The following ZNF83 variants were observed in gnomAD, a reference collection of about 807,000 sequenced individuals.
ZNF83 encodes the protein zinc finger protein 816B.
For missense variants in ZNF83, 552 were observed against 629.9 expected (o/e 0.88, Z 1.32); for synonymous variants, 209 against 213.0 (o/e 0.98, Z 0.17).
At chr19:52,682,898 T>C (rs2061896913) in intron 1 of ZNF83, among the ~76,000 whole-genome samples, 1 of 151,570 alleles carries the variant, frequency 6.6e-6, no homozygotes, top group South Asian at 2.1e-4. Flanking sequence ...CTAGATGGAG[T>C]CTCTCTCTGT....
At chr19:52,616,428 T>C (rs2060306420) in intron 2 of ZNF83, among the ~76,000 whole-genome samples, 1 of 152,214 alleles carries the variant, frequency 6.6e-6, no homozygotes, top group South Asian at 2.1e-4. Flanking sequence ...TGCACATGTA[T>C]GTTTCTTGCA....
In ZNF83 at chr19:52,633,747, C is replaced by A. The variant is rs1245531620; in HGVS notation, c.-234+1319G>T. The stretch of plus-strand genomic sequence containing the variant: ...CCAACATGGAGAAACCTCATTTCTT[C>A]TAAAAATACAAAATTAGCCGGGCAT... On this transcript the variant is annotated intron_variant, in intron 2 of 2. Coordinates refer to ENST00000301096, the Ensembl canonical transcript of ZNF83. 4.0e-5 allele frequency among the ~76,000 whole-genome samples: 6 copies of A among 151,876 alleles called. No individual in the cohort carries two copies. The East Asian group carries it at 1.2e-3, about 30-fold the overall frequency.
chr19:52,635,319 G>A lies in ZNF83; in HGVS notation c.-321-166C>T, dbSNP rs1387311494. ...TACAGGAAAACTCCCGCACCCTTCT[G>A]GAGAAGCCCACACCACACCCTTCTG... On this transcript the variant is annotated intron_variant, in intron 1 of 2. Transcript: ENST00000301096. 44 of 395,222 alleles carry A rather than the reference G, an allele frequency of 1.1e-4. No homozygotes were observed. The East Asian group carries it at 1.7e-3, about 16-fold the overall frequency. 24.5% of individuals were successfully genotyped at this position (395,222 alleles called of 1,614,324 possible).
rs554336672 is a variant in ZNF83, at chr19:52,631,912, A to G, written c.-234+3154T>C. Among the ~76,000 whole-genome samples, 45 of 144,026 alleles carry G rather than the reference A, an allele frequency of 3.1e-4. No homozygotes were observed. The South Asian group carries it at 8.7e-3, about 28-fold the overall frequency. The allele number at this position is 144,026 out of a possible 152,430, so 94.5% of individuals were successfully genotyped here. On this transcript the variant is annotated intron_variant, in intron 2 of 2. Transcript: ENST00000301096. ...TTCTCAGTGTTCCATCTGCTATTCT[A>G]CTACTCCTCAGGGATTATTCAGGCC...
exon 3 of ZNF83, chr19:52,612,814 G>C (rs190358999): frequency 1.8e-4 from 86 of 470,792 alleles, no homozygotes; most frequent in Non-Finnish European, 2.9e-4. Flanking sequence ...GAAGAATCCT[G>C]GTCTCAGATT....
intron 1 of ZNF83, among the ~76,000 whole-genome samples, chr19:52,686,765 G>A (rs979670824): frequency 4.6e-5 from 7 of 152,000 alleles, no homozygotes; most frequent in South Asian, 2.1e-4. Flanking sequence ...TAGAGACGGC[G>A]TTTCACCATG....
chr19:52,618,191 A>G (rs2147076919), intron 2 of ZNF83, among the ~76,000 whole-genome samples: 1 of 152,162 alleles, frequency 6.6e-6, no homozygotes, highest in South Asian at 2.1e-4. Context: ...TCCCAGGTTC[A>G]GGTGATAATC....
Position 52,644,274 on chromosome 19 carries a change from A to G in ZNF83, c.-73-9121T>C, listed in dbSNP as rs375903723. Among the ~76,000 whole-genome samples the G allele has an allele frequency of 4.6e-5, 7 of 151,762 alleles. No homozygotes were observed. In the East Asian group the frequency reaches 9.7e-4, roughly 21 times the overall value. On this transcript the variant is annotated intron_variant, in intron 3 of 5. Coordinates refer to the ZNF83 transcript ENST00000594682. The stretch of plus-strand genomic sequence containing the variant: ...CTCACAGAAAAAAAGCCACATCCAG[A>G]CACCCACTCTATTTTGCCAATCATT...
chr19:52,680,065 GCTA>G (rs995208470), intron 1 of ZNF83, among the ~76,000 whole-genome samples: 1 of 152,124 alleles, frequency 6.6e-6, no homozygotes, highest in African/African-American at 2.4e-5. Flanking sequence ...GGTAATCCCA[GCTA>G]CTTGAGAGGC....
At chr19:52,682,215 T>TAA (rs11407801) in intron 1 of ZNF83, among the ~76,000 whole-genome samples, 4 of 148,898 alleles carry the variant, frequency 2.7e-5, no homozygotes, top group African/African-American at 9.8e-5. Flanking sequence ...ATTAAAATTA[T>TAA]AAAAAAAAAA....
chr19:52,629,480 A>T (rs2060869399), intron 2 of ZNF83, among the ~76,000 whole-genome samples: 1 of 151,954 alleles, frequency 6.6e-6, no homozygotes, highest in African/African-American at 2.4e-5. Flanking sequence ...GCTAGGTCCC[A>T]ATTCTTCCTC....
At chr19:52,655,506 A>C in intron 3 of ZNF83, 1 of 1,402,152 alleles carries the variant, frequency 7.1e-7, no homozygotes, top group Non-Finnish European at 9.9e-7. Flanking sequence ...AAAACCAGGA[A>C]GAGCCAAGAT....
chr19:52,628,707 C>A (rs1392716923), intron 2 of ZNF83, among the ~76,000 whole-genome samples: 1 of 151,968 alleles, frequency 6.6e-6, no homozygotes, highest in African/African-American at 2.4e-5. Context: ...TGTGTCTCTA[C>A]CCCTTCTTCG....
chr19:52,653,973 C>T, intron 3 of ZNF83: 2 of 1,351,812 alleles, frequency 1.5e-6, no homozygotes, highest in Non-Finnish European at 2.1e-6. Flanking sequence ...TCTTCCCATA[C>T]CTATTAGAAA....
At chr19:52,613,114 T>G (rs867744248) in exon 3 of ZNF83, 13 of 1,613,670 alleles carry the variant, frequency 8.1e-6, no homozygotes, top group Middle Eastern at 1.6e-4. Flanking sequence ...ACATTTGAAA[T>G]GTTTCTCTCC....
intron 1 of ZNF83, among the ~76,000 whole-genome samples, chr19:52,667,454 C>A (rs950307240): frequency 5.3e-5 from 8 of 152,080 alleles, no homozygotes; most frequent in Non-Finnish European, 1.0e-4. Context: ...ATTAGTCCTC[C>A]TGATTGTAAA....
intron 1 of ZNF83, among the ~76,000 whole-genome samples, chr19:52,688,112 C>T (rs1232779047): frequency 6.6e-6 from 1 of 152,046 alleles, no homozygotes; most frequent in Non-Finnish European, 1.5e-5. Context: ...CAGAAGTCAA[C>T]ATGTCACAAC....
chr19:52,683,719 C>T (rs573124088), intron 1 of ZNF83, among the ~76,000 whole-genome samples: 40 of 152,238 alleles, frequency 2.6e-4, no homozygotes, highest in African/African-American at 8.4e-4. Context: ...CTTATTTTGA[C>T]TAAAACAAAT....
At chr19:52,686,459 CATATATATAT>C (rs3055374) in intron 1 of ZNF83, among the ~76,000 whole-genome samples, 15 of 143,056 alleles carry the variant, frequency 1.0e-4, no homozygotes, top group South Asian at 4.4e-4. Context: ...AAAAAAATTA[CATATATATAT>C]ATATATATAT....
Sources: allele counts gnomAD v4.1 joint callset (sites outside exome capture counted in the v4.1 genomes callset), GRCh38; gene constraint gnomAD v4.1.1; transcripts MANE v1.5; gene names NCBI Gene and HGNC (gene_info 2026-07-23, HGNC 2026-07-21).